CCDC102B: variants seen among roughly 807,000 people sequenced by gnomAD.
CCDC102B encodes the protein coiled-coil domain containing 102B, also known as coiled-coil domain-containing protein 102B.
In CCDC102B, 75 loss-of-function variants were observed where a neutral mutation model predicts 57.4. The ratio of observed to expected loss-of-function variants is 1.31; its 90% CI spans 1.08 to 1.58. The LOEUF is 1.58. Ranked by LOEUF, CCDC102B falls within the 40% of genes most tolerant of loss-of-function variation. CCDC102B has a pLI of 0.00. For synonymous variants in CCDC102B, 206 were observed against 201.9 expected, an observed-to-expected ratio of 1.02 and a Z score of -0.17; for missense variants, 636 against 582.6, an observed-to-expected ratio of 1.09 and a Z score of -0.94.
chr18:68,784,853 T>G lies in CCDC102B; in HGVS notation c.-66-38513T>G, dbSNP rs555275431. ...TGGTAACTTTTTTTTTTTATTAAAGTTTTAGTGTACTTGTGCACATTGTGC... is the reference window on the plus strand; with the variant it reads ...TGGTAACTTTTTTTTTTTATTAAAGGTTTAGTGTACTTGTGCACATTGTGC... On this transcript the variant is annotated intron_variant, in intron 2 of 3. Transcript: ENST00000578970. Among the ~76,000 whole-genome samples, 5 of 152,072 alleles carry G rather than the reference T, an allele frequency of 3.3e-5. No homozygotes were observed. In the East Asian group the frequency reaches 9.7e-4, roughly 29 times the overall value.
intron 7 of CCDC102B, among the ~76,000 whole-genome samples, chr18:69,046,441 G>A (rs1024158411): frequency 2.0e-5 from 3 of 152,054 alleles, no homozygotes; most frequent in Admixed American, 6.6e-5. Flanking sequence ...TTTTAATGGT[G>A]TTTGTTTTCC....
At position 68,787,039 on chromosome 18, in the gene CCDC102B, G is replaced by C. The variant is rs879850288; in HGVS notation, c.-66-36327G>C. 4.0e-5 allele frequency among the ~76,000 whole-genome samples: 6 copies of C among 150,164 alleles called. No homozygotes were observed. The South Asian group carries it at 6.3e-4, about 16-fold the overall frequency. On this transcript the variant is annotated intron_variant, in intron 2 of 3. Transcript: ENST00000578970. Reference sequence around the variant, plus strand: ...TTTATTGAGAGTTTTTAGCATGAAGGGTTGTTGAATTTTGTCAAAGGCCTT... The same window carrying C: ...TTTATTGAGAGTTTTTAGCATGAAGCGTTGTTGAATTTTGTCAAAGGCCTT...
At chr18:68,986,137 G>T (rs1328509115) in intron 6 of CCDC102B, among the ~76,000 whole-genome samples, 2 of 151,980 alleles carry the variant, frequency 1.3e-5, no homozygotes, top group Non-Finnish European at 2.9e-5. Context: ...AGAAGGATGG[G>T]CTCCTTTCTA....
intron 7 of CCDC102B, among the ~76,000 whole-genome samples, chr18:69,014,974 A>AGT (rs1189382089): frequency 3.4e-5 from 4 of 116,712 alleles, no homozygotes; most frequent in Non-Finnish European, 5.6e-5. Context: ...AGAGAGAGAG[A>AGT]GAGAGTGTGT....
chr18:69,010,098 A>ATTT (rs71717825), intron 6 of CCDC102B, among the ~76,000 whole-genome samples: 3 of 54,944 alleles, frequency 5.5e-5, no homozygotes, highest in African/African-American at 1.3e-4. Context: ...TGCCCGGCTA[A>ATTT]TTTTTTTTTT....
chr18:68,882,654 T>C (rs1325197790), intron 5 of CCDC102B, among the ~76,000 whole-genome samples: 1 of 152,240 alleles, frequency 6.6e-6, no homozygotes, highest in Non-Finnish European at 1.5e-5. Context: ...CTACCTAGTA[T>C]ATAGAATTAC....
chr18:69,044,836 C>A (rs143831732), intron 7 of CCDC102B, among the ~76,000 whole-genome samples: 1 of 152,290 alleles, frequency 6.6e-6, no homozygotes, highest in East Asian at 1.9e-4. Flanking sequence ...GCAGCATGGG[C>A]TGCCATAACG....
chr18:69,048,941 T>G (rs2052631835), intron 7 of CCDC102B, among the ~76,000 whole-genome samples: 1 of 152,116 alleles, frequency 6.6e-6, no homozygotes, highest in South Asian at 2.1e-4. Flanking sequence ...GTTTTTTCAT[T>G]GAATTATATT....
intron 6 of CCDC102B, among the ~76,000 whole-genome samples, chr18:68,948,687 C>T (rs974913287): frequency 2.8e-4 from 42 of 152,174 alleles, no homozygotes; most frequent in Middle Eastern, 3.4e-3. Context: ...TATGCCTGTT[C>T]ACTCCCTTCT....
chr18:68,915,748 G>A (rs1486981937), intron 6 of CCDC102B, among the ~76,000 whole-genome samples: 3 of 152,170 alleles, frequency 2.0e-5, no homozygotes, highest in Non-Finnish European at 4.4e-5. Flanking sequence ...CCGATAAGAT[G>A]TGTCTTATCC....
chr18:68,993,359 A>C (rs2050927953), intron 6 of CCDC102B: 1 of 152,260 alleles, frequency 6.6e-6, no homozygotes, highest in South Asian at 2.1e-4. Context: ...AAACACAGTG[A>C]AGGCATCAGT....
chr18:68,877,625 GT>G (rs1477216734), intron 5 of CCDC102B, among the ~76,000 whole-genome samples: 1 of 152,194 alleles, frequency 6.6e-6, no homozygotes, highest in Non-Finnish European at 1.5e-5. Flanking sequence ...TTACAGTTGT[GT>G]TTAACACGGA....
At chr18:68,789,831 G>A (rs1253414623) in intron 2 of CCDC102B, among the ~76,000 whole-genome samples, 7 of 151,288 alleles carry the variant, frequency 4.6e-5, no homozygotes, top group East Asian at 3.9e-4. Context: ...CTCTCAGCTC[G>A]TCAAAGTCAT....
intron 6 of CCDC102B, among the ~76,000 whole-genome samples, chr18:68,907,555 T>G (rs1288402374): frequency 6.6e-6 from 1 of 152,250 alleles, no homozygotes; most frequent in Non-Finnish European, 1.5e-5. Context: ...TCAGGTGTAC[T>G]TAAAATGGGA....
In CCDC102B at chr18:68,808,468, C is replaced by CTTTTTT. The variant is rs1157601164; in HGVS notation, c.-16+10307_-16+10312dup. Among the ~76,000 whole-genome samples, 86 of 91,812 alleles carry CTTTTTT rather than the reference C, an allele frequency of 9.4e-4. 1 individual carries two copies. The highest frequency in any genetic ancestry group is 1.1e-3 in the Admixed American group (7 of 6,414). 60.2% of individuals were successfully genotyped at this position (91,812 alleles called of 152,430 possible). ...CATTGTTATTTCATTGCTTTTACTACTTTTTTTTTTTTTTTTTTTTTTTTT... is the reference window on the plus strand; with the variant it reads ...CATTGTTATTTCATTGCTTTTACTACTTTTTTTTTTTTTTTTTTTTTTTTTTTTTTT... On this transcript the variant is annotated intron_variant, in intron 1 of 7. Coordinates refer to ENST00000360242, the MANE Select transcript of CCDC102B (RefSeq NM_024781.3).
intron 6 of CCDC102B, among the ~76,000 whole-genome samples, chr18:68,907,008 C>T (rs2040674676): frequency 1.3e-5 from 2 of 151,858 alleles, no homozygotes; most frequent in Non-Finnish European, 2.9e-5. Context: ...GGTCCACATT[C>T]ATCATTTTCC....
intron 7 of CCDC102B, among the ~76,000 whole-genome samples, chr18:69,053,081 G>C (rs1434193081): frequency 1.3e-5 from 2 of 151,680 alleles, no homozygotes; most frequent in Admixed American, 6.6e-5. Context: ...TGAATGTTCA[G>C]AGCATCACAG....
chr18:68,911,632 G>T (rs945981106), intron 6 of CCDC102B, among the ~76,000 whole-genome samples: 9 of 148,674 alleles, frequency 6.1e-5, no homozygotes, highest in Non-Finnish European at 1.3e-4. Flanking sequence ...GGCGCCTGTA[G>T]TCCCAGCTAC....
intron 2 of CCDC102B, among the ~76,000 whole-genome samples, chr18:68,747,453 A>C (rs1424167529): frequency 6.6e-6 from 1 of 152,128 alleles, no homozygotes; most frequent in African/African-American, 2.4e-5. Flanking sequence ...ATGGTGTTGT[A>C]CAGATTTCTA....
Sources: gnomAD v4.1 joint callset for allele counts (sites outside exome capture counted in the v4.1 genomes callset) on GRCh38, gnomAD v4.1.1 for gene constraint, MANE v1.5 for transcripts, NCBI Gene and HGNC (gene_info 2026-07-23, HGNC 2026-07-21) for gene names.